Variants in DNAH5 observed in about 807,000 individuals in gnomAD.
DNAH5 encodes axonemal beta dynein heavy chain 5.
In DNAH5, 372 loss-of-function variants were observed where a neutral mutation model predicts 518.2. The observed-to-expected ratio is 0.72, with a 90% CI of 0.66 to 0.78. DNAH5 has a LOEUF of 0.78. Ranked by LOEUF, DNAH5 falls within the 30% of genes least tolerant of loss-of-function variation. The probability of loss-of-function intolerance (pLI) is 0.00; values close to 1 mark genes in which losing one functional copy is unlikely to be tolerated. For synonymous variants in DNAH5, 2,039 were observed against 2,025.9 expected, an observed-to-expected ratio of 1.01 and a Z score of -0.17; for missense variants, 5,523 against 5,687.0, an observed-to-expected ratio of 0.97 and a Z score of 0.93.
intron 11 of DNAH5, among the ~76,000 whole-genome samples, chr5:13,911,739 T>C (rs958880907): frequency 2.6e-5 from 4 of 152,064 alleles, no homozygotes; most frequent in African/African-American, 9.7e-5. Context: ...TTTGAAAAAA[T>C]GAAATAAAAA....
At chr5:13,715,208 GA>G (rs914803536) in intron 74 of DNAH5, among the ~76,000 whole-genome samples, 1 of 151,646 alleles carries the variant, frequency 6.6e-6, no homozygotes, top group Admixed American at 6.6e-5. Context: ...CCAACGGTTT[GA>G]AAAAAAAGAA....
At chr5:13,911,928 T>G (rs1267038128) in intron 11 of DNAH5, among the ~76,000 whole-genome samples, 2 of 152,158 alleles carry the variant, frequency 1.3e-5, no homozygotes, top group Non-Finnish European at 2.9e-5. Flanking sequence ...AGAAAATAAA[T>G]GATGTTATAT....
At position 13,729,519 on chromosome 5, in the gene DNAH5, A is replaced by T. The variant is rs145685491; in HGVS notation, c.11803T>A (p.Ser3935Thr). The T allele has an allele frequency of 7.2e-5, 117 of 1,613,812 alleles. No individual in the cohort carries two copies. The highest frequency in any genetic ancestry group is 6.6e-4 in the Middle Eastern group (4 of 6,082). Residue 3935 changes from serine (S) to threonine (T), a missense_variant, in exon 69 of 79, where the codon TCA becomes ACA. Around this residue, in one of 3 missense-constraint regions of DNAH5, gnomAD observed 5,121 missense variants for 5,223.3 expected, o/e 0.98. Coordinates refer to ENST00000265104, the MANE Select transcript of DNAH5 (RefSeq NM_001369.3). ...CATGTTATGTCCAGGATCCATTTTG[A>T]TGGTTTTGGAGGACAAGCTTTAAGG... ...LDLKACPPKP[S>T]KWILDITWLN...
At chr5:13,732,912 CATTGA>C (rs1281099406) in intron 68 of DNAH5, among the ~76,000 whole-genome samples, 4 of 152,126 alleles carry the variant, frequency 2.6e-5, no homozygotes, top group African/African-American at 4.8e-5. Context: ...TCAACCTAAC[CATTGA>C]AGGGCAGATT....
chr5:13,905,802 T>C (rs1351756608), intron 12 of DNAH5, among the ~76,000 whole-genome samples: 2 of 151,616 alleles, frequency 1.3e-5, no homozygotes, highest in African/African-American at 4.9e-5. Flanking sequence ...AAAACTTATA[T>C]CCACAGAAAA....
intron 78 of DNAH5, among the ~76,000 whole-genome samples, chr5:13,692,347 C>G (rs1037039083): frequency 6.6e-6 from 1 of 152,138 alleles, no homozygotes; most frequent in East Asian, 1.9e-4. Context: ...ACCCAGACAG[C>G]CTCTGGTGGC....
At chr5:13,968,326 C>T (rs542076723) in intron 1 of DNAH5, among the ~76,000 whole-genome samples, 4 of 151,862 alleles carry the variant, frequency 2.6e-5, no homozygotes, top group Non-Finnish European at 2.9e-5. Context: ...TCTGACTGCT[C>T]TGGCTAGGAT....
At chr5:13,905,529 C>T (rs773411114) in intron 12 of DNAH5, among the ~76,000 whole-genome samples, 7 of 151,978 alleles carry the variant, frequency 4.6e-5, no homozygotes, top group Non-Finnish European at 1.0e-4. Flanking sequence ...TATAGCAACA[C>T]AAAAAGAACT....
At chr5:13,773,130 T>G (rs936864976) in intron 55 of DNAH5, among the ~76,000 whole-genome samples, 3 of 152,216 alleles carry the variant, frequency 2.0e-5, no homozygotes, top group African/African-American at 7.2e-5. Flanking sequence ...TCCATTACTA[T>G]GACTAGCATA....
chr5:13,855,247 C>T (rs1258157315), intron 30 of DNAH5, among the ~76,000 whole-genome samples: 5 of 94,192 alleles, frequency 5.3e-5, no homozygotes, highest in Admixed American at 3.5e-4. Flanking sequence ...CTCGCTCTGT[C>T]GCCCAGGCTG....
intron 43 of DNAH5, 77 bp from the exon 44 acceptor site, chr5:13,811,900 T>C (rs1371790803): frequency 7.8e-7 from 1 of 1,287,100 alleles, no homozygotes; most frequent in Non-Finnish European, 1.1e-6. Flanking sequence ...ACAAAAATTT[T>C]AAAAGTATCT....
At chr5:13,926,218 T>C (rs1413853033) in intron 3 of DNAH5, among the ~76,000 whole-genome samples, 1 of 151,940 alleles carries the variant, frequency 6.6e-6, no homozygotes, top group Non-Finnish European at 1.5e-5. Flanking sequence ...TGGGACAGAG[T>C]GAGCGAGACT....
chr5:13,777,313 C>A lies in DNAH5; in HGVS notation c.8994G>T (p.Leu2998Phe), dbSNP rs555690882. The A allele has an allele frequency of 1.4e-5, 23 of 1,613,344 alleles. No homozygotes were observed. The highest frequency in any genetic ancestry group is 4.5e-5 in the East Asian group (2 of 44,820). ...TGCCTTGCTGACCAGCTGTTCGATA[C>A]AAAACCTTCAGATCTTCCATCAGAT... ...TSNLMEDLKV[L>F]YRTAGQQGKG... Residue 2998 changes from leucine (L) to phenylalanine (F), a missense_variant, in exon 54 of 79, where the codon TTG becomes TTT. Coordinates refer to ENST00000265104, the MANE Select transcript of DNAH5 (RefSeq NM_001369.3).
intron 58 of DNAH5, among the ~76,000 whole-genome samples, chr5:13,767,417 G>A (rs1040387077): frequency 1.3e-5 from 2 of 152,204 alleles, no homozygotes; most frequent in African/African-American, 4.8e-5. Context: ...GAGCCAGCAT[G>A]CCCAGCCTGT....
rs774653078 is a variant in DNAH5, at chr5:13,752,188, T to C, written c.10974A>G (p.Pro3658=). Residue 3658 remains proline, a synonymous_variant, in exon 64 of 79, where the codon CCA becomes CCG. Transcript: ENST00000265104. The stretch of plus-strand genomic sequence containing the variant: ...TTCTTTCCAAAACATTATCTAGTGC[T>C]GGATCTAGTTCCTCTCCAACATCTT... The part of the protein sequence containing the change: ...LIEDVGEELD[P]ALDNVLERNF... The C allele has an allele frequency of 6.2e-7, 1 of 1,614,084 alleles. No individual in the cohort carries two copies. Among genetic ancestry groups the C allele is most frequent in the East Asian group, 2.2e-5 (1 of 44,858 alleles).
At chr5:13,869,059 C>A (rs1018733972) in intron 24 of DNAH5, among the ~76,000 whole-genome samples, 1 of 152,138 alleles carries the variant, frequency 6.6e-6, no homozygotes, top group African/African-American at 2.4e-5. Flanking sequence ...TTGAGGGTAT[C>A]CCCTGATCCT....
At chr5:13,893,233 C>T (rs1773500680) in intron 16 of DNAH5, among the ~76,000 whole-genome samples, 1 of 151,886 alleles carries the variant, frequency 6.6e-6, no homozygotes, top group Non-Finnish European at 1.5e-5. Context: ...AAGAGAGAGA[C>T]CTGAGGGGCG....
At chr5:13,712,606 A>G (rs538727569) in intron 75 of DNAH5, among the ~76,000 whole-genome samples, 2 of 152,296 alleles carry the variant, frequency 1.3e-5, no homozygotes, top group South Asian at 4.1e-4. Flanking sequence ...ATCACAACGA[A>G]CTCAAACAAA....
At chr5:13,868,806 G>T (rs1260000064) in intron 24 of DNAH5, among the ~76,000 whole-genome samples, 1 of 152,146 alleles carries the variant, frequency 6.6e-6, no homozygotes, top group Non-Finnish European at 1.5e-5. Flanking sequence ...CACTGCCTCT[G>T]ATGGATGAGG....
Sources: gnomAD v4.1 joint callset for allele counts (sites outside exome capture counted in the v4.1 genomes callset) on GRCh38, gnomAD v4.1.1 for gene constraint, gnomAD v4.1.1 regional missense constraint, MANE v1.5 for transcripts, NCBI Gene and HGNC (gene_info 2026-07-23, HGNC 2026-07-21) for gene names.